Variants in DPP6 observed in about 807,000 individuals in gnomAD.
DPP6 encodes the protein A-type potassium channel modulatory protein DPP6.
Under a neutral mutation model 122.6 loss-of-function variants are expected in DPP6, and 69 were observed. The observed-to-expected ratio is 0.56, with a 90% confidence interval of 0.46 to 0.69. The LOEUF is 0.69. Among genes scored for constraint, DPP6 ranks in the 30% least tolerant of loss-of-function variants. The probability of loss-of-function intolerance (pLI) is 0.00; values close to 1 mark genes in which losing one functional copy is unlikely to be tolerated. For missense variants in DPP6, 928 were observed against 1,116.9 expected, an observed-to-expected ratio of 0.83 and a Z score of 2.41; for synonymous variants, 418 against 433.1, an observed-to-expected ratio of 0.97 and a Z score of 0.43.
At position 154,537,367 on chromosome 7, in the gene DPP6, T is replaced by G. The variant is rs928072992; in HGVS notation, c.458-3165T>G. 7.0e-4 allele frequency among the ~76,000 whole-genome samples: 106 copies of G among 152,192 alleles called. 2 individuals carry two copies. Among genetic ancestry groups the G allele is most frequent in the Non-Finnish European group, 2.1e-4 (14 of 68,034 alleles). ...AGAGATACCATTTTTACACCCACTG[T>G]ATTGGAAGATAGTAAGAAGTTTGAA... On this transcript the variant is annotated intron_variant, in intron 3 of 25. Transcript: ENST00000377770.
At chr7:153,801,134 C>G in the DPP6 span, among the ~76,000 whole-genome samples, 2 of 149,816 alleles carry the variant, frequency 1.3e-5, no homozygotes, top group Non-Finnish European at 3.0e-5. Flanking sequence ...ATTTCAAAGC[C>G]CTGTGTGCGC....
chr7:154,714,143 A>G (rs552682278), intron 7 of DPP6, among the ~76,000 whole-genome samples: 1 of 152,214 alleles, frequency 6.6e-6, no homozygotes, highest in Non-Finnish European at 1.5e-5. Context: ...CAATATCAGC[A>G]TTTTCATCAA....
intron 1 of DPP6, among the ~76,000 whole-genome samples, chr7:154,036,027 T>C (rs756139163): frequency 0.13 from 15,547 of 119,754 alleles, 2,136 homozygotes; most frequent in African/African-American, 0.37. Flanking sequence ...CGCTTGTGTG[T>C]GTGTGTGTGT....
At chr7:154,626,518 A>G (rs1184630517) in intron 5 of DPP6, among the ~76,000 whole-genome samples, 2 of 152,250 alleles carry the variant, frequency 1.3e-5, no homozygotes, top group African/African-American at 4.8e-5. Context: ...TTCTCTATCA[A>G]TGACCTGAAC....
chr7:154,872,572 C>A, intron 18 of DPP6, 52 bp from the exon 19 acceptor site: 1 of 1,556,604 alleles, frequency 6.4e-7, no homozygotes, highest in Non-Finnish European at 8.7e-7. Flanking sequence ...ATGCCCGATA[C>A]CCCGTGGCCA....
chr7:154,551,932 T>A (rs1829668388), intron 4 of DPP6, among the ~76,000 whole-genome samples: 1 of 152,138 alleles, frequency 6.6e-6, no homozygotes, highest in Non-Finnish European at 1.5e-5. Context: ...TCTTTCAAAA[T>A]TTTTTATGGA....
intron 5 of DPP6, among the ~76,000 whole-genome samples, chr7:154,616,630 T>G (rs1834278953): frequency 6.6e-6 from 1 of 152,198 alleles, no homozygotes; most frequent in Non-Finnish European, 1.5e-5. Context: ...AATCATTTCC[T>G]CTTTGGGAAT....
At chr7:154,835,298 A>G (rs1028101819) in intron 16 of DPP6, among the ~76,000 whole-genome samples, 1 of 152,100 alleles carries the variant, frequency 6.6e-6, no homozygotes, top group Non-Finnish European at 1.5e-5. Context: ...AAGGAAGGAC[A>G]AGCCGCGGAC....
chr7:154,691,337 G>A (rs757994375), intron 7 of DPP6, among the ~76,000 whole-genome samples: 6 of 152,166 alleles, frequency 3.9e-5, no homozygotes, highest in Non-Finnish European at 7.3e-5. Flanking sequence ...CAAATGGAGA[G>A]TGAGCCTCAG....
At chr7:154,633,383 C>T (rs1835525836) in intron 5 of DPP6, among the ~76,000 whole-genome samples, 1 of 152,068 alleles carries the variant, frequency 6.6e-6, no homozygotes, top group African/African-American at 2.4e-5. Flanking sequence ...ATTACAGGCA[C>T]CCGCCATCCT....
intron 1 of DPP6, among the ~76,000 whole-genome samples, chr7:154,169,715 A>G (rs183029757): frequency 6.6e-6 from 1 of 152,248 alleles, no homozygotes; most frequent in African/African-American, 2.4e-5. Flanking sequence ...GTAATAGCTA[A>G]TAAGTAAAAG....
At chr7:154,748,162 G>A (rs1490939049) in intron 8 of DPP6, among the ~76,000 whole-genome samples, 1 of 152,166 alleles carries the variant, frequency 6.6e-6, no homozygotes, top group Non-Finnish European at 1.5e-5. Context: ...CATGTAGAGG[G>A]GCCACAGAAA....
rs1801625578 is a variant in DPP6, at chr7:154,241,643, TCTTC to T, written c.243+188583_243+188586del. On this transcript the variant is annotated intron_variant, in intron 1 of 25. Transcript: ENST00000377770. This position sits in a 1 kb window ranked among gnomAD's most constrained non-coding sequence, Gnocchi z 9.0. ...TTTATTCTTATATTGATTAATGTAT[TCTTC>T]CTCAAAATTATATTACTTTCTGACT... is the stretch of plus-strand genomic sequence containing the variant. Among the ~76,000 whole-genome samples, 1 of 152,200 alleles carries T rather than the reference TCTTC, an allele frequency of 6.6e-6. No homozygotes were observed. The highest frequency in any genetic ancestry group is 6.5e-5 in the Admixed American group (1 of 15,286).
intron 1 of DPP6, among the ~76,000 whole-genome samples, chr7:153,923,760 CAAAAA>C (rs1158548494): frequency 8.5e-5 from 4 of 46,796 alleles, no homozygotes; most frequent in African/African-American, 1.9e-4. Flanking sequence ...GACTCCATCT[CAAAAA>C]AAAAAAAAAA....
chr7:154,623,635 GC>G (rs1448453640), intron 5 of DPP6, among the ~76,000 whole-genome samples: 1 of 99,476 alleles, frequency 1.0e-5, no homozygotes, highest in Non-Finnish European at 2.2e-5. Flanking sequence ...ACACATGCGT[GC>G]ACACACGCGC....
intron 1 of DPP6, among the ~76,000 whole-genome samples, chr7:153,997,268 G>A (rs1797486702): frequency 6.6e-6 from 1 of 152,078 alleles, no homozygotes; most frequent in African/African-American, 2.4e-5. Flanking sequence ...ACTGCTTCTG[G>A]CTTTGGGATT....
At chr7:153,778,527 T>A in the DPP6 span, among the ~76,000 whole-genome samples, 4 of 150,058 alleles carry the variant, frequency 2.7e-5, 1 homozygote, top group Admixed American at 2.6e-4. Context: ...ATAATTTGTA[T>A]AGAGTAAAAT....
chr7:154,610,924 C>T (rs1412335881), intron 5 of DPP6, among the ~76,000 whole-genome samples: 3 of 152,178 alleles, frequency 2.0e-5, no homozygotes, highest in South Asian at 2.1e-4. Flanking sequence ...TCTAACCTCT[C>T]ACCTTTGTAA....
chr7:154,784,270 G>A (rs1266536853), intron 10 of DPP6, among the ~76,000 whole-genome samples: 1 of 152,110 alleles, frequency 6.6e-6, no homozygotes, highest in Non-Finnish European at 1.5e-5. Context: ...CATAAGGAGA[G>A]AGACCTAGGA....
Sources: gnomAD v4.1 joint callset for allele counts (sites outside exome capture counted in the v4.1 genomes callset) on GRCh38, gnomAD v4.1.1 for gene constraint, Gnocchi (gnomAD v3.1) non-coding constraint, MANE v1.5 for transcripts, NCBI Gene and HGNC (gene_info 2026-07-23, HGNC 2026-07-21) for gene names.